Variants in CSMD1 observed in about 807,000 individuals in gnomAD.
CSMD1 encodes the protein CUB and Sushi multiple domains 1, also known as CUB and sushi domain-containing protein 1.
CSMD1 carries 213 observed loss-of-function variants against 417.5 expected under a neutral mutation model. The observed-to-expected ratio is 0.51, with a 90% CI of 0.46 to 0.57. The LOEUF is 0.57. Ranked by LOEUF, CSMD1 falls within the 20% of genes least tolerant of loss-of-function variation. CSMD1 has a pLI of 0.00. For missense variants in CSMD1, 6,923 were observed against 4,529.7 expected (o/e 1.53, Z -15.17); for synonymous variants, 2,862 against 1,736.8 (o/e 1.65, Z -16.11).
At chr8:3,172,504 C>G (rs548024951) in intron 37 of CSMD1, among the ~76,000 whole-genome samples, 7 of 152,234 alleles carry the variant, frequency 4.6e-5, no homozygotes, top group Non-Finnish European at 1.0e-4. Context: ...GCCCCCACCT[C>G]AAGAATTTAA....
intron 57 of CSMD1, among the ~76,000 whole-genome samples, chr8:2,970,432 G>C (rs1000766219): frequency 1.3e-5 from 2 of 152,168 alleles, no homozygotes; most frequent in African/African-American, 4.8e-5. Context: ...AGTTCAGGCT[G>C]CAAACCAGGG....
chr8:2,976,939 A>G (rs1163169130), intron 55 of CSMD1, among the ~76,000 whole-genome samples: 1 of 152,104 alleles, frequency 6.6e-6, no homozygotes, highest in African/African-American at 2.4e-5. Flanking sequence ...CATAAGGATC[A>G]TCTATAATTA....
At chr8:4,158,762 T>G (rs1350034361) in intron 3 of CSMD1, among the ~76,000 whole-genome samples, 6 of 152,164 alleles carry the variant, frequency 3.9e-5, no homozygotes, top group Non-Finnish European at 8.8e-5. Context: ...ACTTGATGGG[T>G]GTGAACACTG....
At chr8:3,223,909 G>C (rs779846966) in intron 27 of CSMD1, 42 bp from the exon 28 acceptor site, 1 of 1,603,360 alleles carries the variant, frequency 6.2e-7, no homozygotes, top group East Asian at 2.2e-5. Context: ...TAAGGACAGC[G>C]AAGAACGCCT....
At chr8:4,753,216 G>T (rs957477948) in intron 1 of CSMD1, among the ~76,000 whole-genome samples, 4 of 152,110 alleles carry the variant, frequency 2.6e-5, no homozygotes, top group African/African-American at 9.6e-5. Context: ...CCCATGATGA[G>T]CTCATTTGCT....
rs141301980 is a variant in CSMD1, at chr8:3,981,260, G to C, written c.818+16643C>G. ...ACTCAGGCGTTGAAAACCAAACATCGTATGTACTCACTGATATGTGGGAGC... is the reference window on the plus strand; with the variant it reads ...ACTCAGGCGTTGAAAACCAAACATCCTATGTACTCACTGATATGTGGGAGC... On this transcript the variant is annotated intron_variant, in intron 5 of 69. Coordinates refer to ENST00000635120, the MANE Select transcript of CSMD1 (RefSeq NM_033225.6). Among the ~76,000 whole-genome samples, 237 of 152,170 alleles carry C rather than the reference G, an allele frequency of 1.6e-3. 1 individual carries two copies. Among genetic ancestry groups the C allele is most frequent in the African/African-American group, 5.2e-3 (216 of 41,508 alleles).
At chr8:3,754,233 A>T (rs1318531208) in intron 5 of CSMD1, among the ~76,000 whole-genome samples, 191 bp from the exon 6 acceptor site, 2 of 152,174 alleles carry the variant, frequency 1.3e-5, no homozygotes, top group South Asian at 4.1e-4. Context: ...CATAAATGCT[A>T]AATCCCTAGA....
chr8:4,466,670 G>C (rs11989522), intron 2 of CSMD1, among the ~76,000 whole-genome samples: 359 of 152,184 alleles, frequency 2.4e-3, no homozygotes, highest in African/African-American at 6.9e-3. Context: ...ATATAACTCT[G>C]AGTTGGGATA....
At chr8:4,908,385 A>C (rs1291745572) in intron 1 of CSMD1, among the ~76,000 whole-genome samples, 1 of 152,098 alleles carries the variant, frequency 6.6e-6, no homozygotes, top group Non-Finnish European at 1.5e-5. Flanking sequence ...TTGGTTCTGT[A>C]GTTTAGTGTC....
At chr8:3,376,951 T>C (rs1810345504) in intron 18 of CSMD1, among the ~76,000 whole-genome samples, 1 of 152,206 alleles carries the variant, frequency 6.6e-6, no homozygotes, top group Non-Finnish European at 1.5e-5. Flanking sequence ...CTATCAAACA[T>C]GACTGACTGA....
intron 3 of CSMD1, among the ~76,000 whole-genome samples, chr8:4,106,623 T>A (rs1801581888): frequency 6.6e-6 from 1 of 152,188 alleles, no homozygotes; most frequent in South Asian, 2.1e-4. Context: ...TTCACCAAAA[T>A]ATATCCAAAA....
intron 3 of CSMD1, among the ~76,000 whole-genome samples, chr8:4,149,679 G>C (rs1796464014): frequency 6.6e-6 from 1 of 152,192 alleles, no homozygotes; most frequent in Admixed American, 6.5e-5. Flanking sequence ...CTACACTGAA[G>C]GAATAAACAA....
At chr8:3,321,557 C>G (rs115932866) in intron 23 of CSMD1, among the ~76,000 whole-genome samples, 210 of 152,278 alleles carry the variant, frequency 1.4e-3, no homozygotes, top group African/African-American at 4.5e-3. Flanking sequence ...TAGAAATGAA[C>G]CTCCCTGAAC....
At chr8:3,949,674 G>A (rs1811478575) in intron 5 of CSMD1, among the ~76,000 whole-genome samples, 1 of 152,072 alleles carries the variant, frequency 6.6e-6, no homozygotes, top group Non-Finnish European at 1.5e-5. Context: ...GAGAAAGGAG[G>A]AGGAGAAGGA....
intron 1 of CSMD1, among the ~76,000 whole-genome samples, chr8:4,950,811 C>G (rs7005814): frequency 0.54 from 82,654 of 151,714 alleles, 22,594 homozygotes; most frequent in Admixed American, 0.58. Flanking sequence ...CACTCAACCA[C>G]TCTTGGTGAC....
chr8:3,524,490 C>G (rs562596830), intron 10 of CSMD1, among the ~76,000 whole-genome samples: 6 of 151,674 alleles, frequency 4.0e-5, no homozygotes, highest in Admixed American at 2.0e-4. Flanking sequence ...TGTGCACACA[C>G]AAGTACACAC....
At chr8:3,987,493 T>C (rs1407346357) in intron 5 of CSMD1, among the ~76,000 whole-genome samples, 1 of 152,214 alleles carries the variant, frequency 6.6e-6, no homozygotes, top group East Asian at 1.9e-4. Flanking sequence ...ATCTTTAATC[T>C]CCTTTTTAAA....
intron 3 of CSMD1, among the ~76,000 whole-genome samples, chr8:4,398,385 C>A (rs939881775): frequency 2.5e-5 from 3 of 118,126 alleles, no homozygotes; most frequent in African/African-American, 9.6e-5. Context: ...CTTGCTGCAA[C>A]TTCTTTTTTT....
chr8:3,136,995 C>A (rs1818140168), intron 41 of CSMD1, among the ~76,000 whole-genome samples: 1 of 151,990 alleles, frequency 6.6e-6, no homozygotes, highest in Admixed American at 6.6e-5. Flanking sequence ...TGCACATATT[C>A]ATGGGGTACA....
Sources: gnomAD v4.1 joint callset for allele counts (sites outside exome capture counted in the v4.1 genomes callset) on GRCh38, gnomAD v4.1.1 for gene constraint, MANE v1.5 for transcripts, NCBI Gene and HGNC (gene_info 2026-07-23, HGNC 2026-07-21) for gene names.